VPS41: variants seen among roughly 807,000 people sequenced by gnomAD.
VPS41 encodes the protein vacuolar protein sorting-associated protein 41 homolog.
VPS41 carries 85 observed loss-of-function variants against 130.9 expected under a neutral mutation model. The observed-to-expected ratio is 0.65, with a 90% CI of 0.55 to 0.78. The LOEUF is 0.78. Among genes scored for constraint, VPS41 ranks in the 30% least tolerant of loss-of-function variants. The pLI is 0.00. For missense variants in VPS41, 874 were observed against 1,018.7 expected, an observed-to-expected ratio of 0.86 and a Z score of 1.93; for synonymous variants, 335 against 332.9, an observed-to-expected ratio of 1.01 and a Z score of -0.07.
chr7:38,840,130 A>C (rs1336687665), intron 4 of VPS41, among the ~76,000 whole-genome samples: 1 of 152,230 alleles, frequency 6.6e-6, no homozygotes, highest in Non-Finnish European at 1.5e-5. Flanking sequence ...CAGCATTCCC[A>C]TCCTTGACTG....
chr7:38,775,524 A>G (rs953939720), intron 11 of VPS41: 2 of 152,068 alleles, frequency 1.3e-5, no homozygotes, highest in African/African-American at 4.8e-5. Context: ...ATTCCTCCTC[A>G]AAAAGCATTC....
intron 1 of VPS41, among the ~76,000 whole-genome samples, chr7:38,903,199 T>G (rs1043089908): frequency 2.0e-5 from 3 of 152,194 alleles, no homozygotes; most frequent in African/African-American, 7.2e-5. Context: ...TTCCTTGGGC[T>G]CCTAGAAGAC....
chr7:38,836,345 C>T (rs111408888), intron 4 of VPS41, among the ~76,000 whole-genome samples: 2 of 152,160 alleles, frequency 1.3e-5, no homozygotes, highest in African/African-American at 4.8e-5. Context: ...TTACTACAGT[C>T]TTCCCTTCTC....
intron 22 of VPS41, 47 bp downstream of exon 22, chr7:38,752,129 A>G: frequency 5.6e-6 from 9 of 1,610,278 alleles, no homozygotes; most frequent in Non-Finnish European, 7.6e-6. Flanking sequence ...ACCATCAATG[A>G]CAACCTCTTC....
chr7:38,866,174 G>A (rs1253329560), intron 3 of VPS41, among the ~76,000 whole-genome samples: 1 of 152,168 alleles, frequency 6.6e-6, no homozygotes, highest in East Asian at 1.9e-4. Flanking sequence ...ATGGCAGAAA[G>A]TGGTTAAGAC....
intron 18 of VPS41, among the ~76,000 whole-genome samples, chr7:38,757,242 T>TG (rs1308975376): frequency 1.3e-5 from 2 of 152,148 alleles, no homozygotes; most frequent in Non-Finnish European, 2.9e-5. Flanking sequence ...TGGTCTTTAT[T>TG]GGGGGTCTCA....
At chr7:38,793,919 C>G (rs1784576918) in intron 9 of VPS41, among the ~76,000 whole-genome samples, 1 of 152,140 alleles carries the variant, frequency 6.6e-6, no homozygotes, top group Admixed American at 6.5e-5. Context: ...TTCCCCATCT[C>G]AAGATCCTTA....
intron 2 of VPS41, among the ~76,000 whole-genome samples, chr7:38,877,438 G>T (rs1786515045): frequency 6.6e-6 from 1 of 152,084 alleles, no homozygotes; most frequent in African/African-American, 2.4e-5. Flanking sequence ...TATAGAAGTG[G>T]AACTATATCA....
chr7:38,875,584 A>G (rs1343890267), intron 2 of VPS41, among the ~76,000 whole-genome samples: 1 of 152,234 alleles, frequency 6.6e-6, no homozygotes, highest in African/African-American at 2.4e-5. Flanking sequence ...AGATCCTTCT[A>G]AAGTGTCAAA....
intron 7 of VPS41, chr7:38,797,151 G>GT (rs1252686731): frequency 8.4e-6 from 2 of 237,426 alleles, no homozygotes; most frequent in African/African-American, 4.4e-5. Flanking sequence ...ATGCACATTA[G>GT]TTAATCAAAA....
intron 21 of VPS41, 55 bp downstream of exon 21, chr7:38,754,647 G>A (rs1303038157): frequency 2.1e-6 from 3 of 1,406,322 alleles, no homozygotes; most frequent in Non-Finnish European, 3.0e-6. Context: ...ATACTGAAAG[G>A]TGATTCACCC....
At chr7:38,734,448 A>G (rs1795726156) in intron 25 of VPS41, among the ~76,000 whole-genome samples, 1 of 152,172 alleles carries the variant, frequency 6.6e-6, no homozygotes, top group African/African-American at 2.4e-5. Flanking sequence ...AACCTGTTAC[A>G]TATTATATTT....
chr7:38,906,877 G>GATTTATT (rs1787279383), intron 1 of VPS41, among the ~76,000 whole-genome samples: 1 of 152,156 alleles, frequency 6.6e-6, no homozygotes, highest in South Asian at 2.1e-4. Flanking sequence ...GAGGACTGGA[G>GATTTATT]ATTTATTATA....
At chr7:38,815,725 G>GAAC (rs1403720558) in intron 7 of VPS41, among the ~76,000 whole-genome samples, 4 of 152,140 alleles carry the variant, frequency 2.6e-5, no homozygotes, top group Admixed American at 6.5e-5. Flanking sequence ...GCAGGCAGAA[G>GAAC]AACGTGAAAA....
intron 9 of VPS41, among the ~76,000 whole-genome samples, chr7:38,791,682 T>TG (rs1320093655): frequency 2.0e-5 from 3 of 152,058 alleles, no homozygotes; most frequent in African/African-American, 4.8e-5. Flanking sequence ...ATGAAGGGCA[T>TG]GGGGGAAGAA....
chr7:38,764,351 A>G lies in VPS41; in HGVS notation c.1330-804T>C, dbSNP rs1584382410. 2.0e-5 allele frequency among the ~76,000 whole-genome samples: 3 copies of G among 152,200 alleles called. No homozygotes were observed. In the East Asian group the frequency reaches 5.8e-4, roughly 29 times the overall value. ...ATGCATCTGTGTGCAGGGAGGTCAG[A>G]GGAGCCCAGAGATGCGAGATGGCGT... On this transcript the variant is annotated intron_variant, in intron 16 of 28. Coordinates refer to ENST00000310301, the MANE Select transcript of VPS41 (RefSeq NM_014396.4).
rs1795533683 is a variant in VPS41, at chr7:38,726,061, G to A, written c.*185C>T. Reference sequence around the variant, plus strand: ...CCCAAAATTTCAAGGCATGAAGAGAGCCCCAAATTCTCTGTGAACTGCAAA... The same window carrying A: ...CCCAAAATTTCAAGGCATGAAGAGAACCCCAAATTCTCTGTGAACTGCAAA... On this transcript the variant is annotated 3_prime_UTR_variant, in exon 29 of 29. Transcript: ENST00000310301. The A allele has an allele frequency of 5.4e-6, 3 of 558,870 alleles. No individual in the cohort carries two copies. The highest frequency in any genetic ancestry group is 6.3e-6 in the Non-Finnish European group (2 of 315,680). The allele number at this position is 558,870 out of a possible 1,614,324, so 34.6% of individuals were successfully genotyped here.
intron 21 of VPS41, among the ~76,000 whole-genome samples, chr7:38,753,311 C>T (rs1269574374): frequency 2.6e-5 from 4 of 152,030 alleles, no homozygotes; most frequent in East Asian, 1.9e-4. Context: ...GTCACAATGA[C>T]GCCTAACCAT....
intron 7 of VPS41, among the ~76,000 whole-genome samples, chr7:38,798,060 T>C (rs917351365): frequency 6.6e-6 from 1 of 152,122 alleles, no homozygotes; most frequent in Non-Finnish European, 1.5e-5. Context: ...ACCCACCCTG[T>C]CCTCTCCTAT....
Sources: allele counts gnomAD v4.1 joint callset (sites outside exome capture counted in the v4.1 genomes callset), GRCh38; gene constraint gnomAD v4.1.1; transcripts MANE v1.5; gene names NCBI Gene and HGNC (gene_info 2026-07-23, HGNC 2026-07-21).